NMNAT2: variants seen among roughly 807,000 people sequenced by gnomAD.
NMNAT2 encodes nicotinamide nucleotide adenylyltransferase 2.
In NMNAT2, 11 loss-of-function variants were observed where a neutral mutation model predicts 41.6. The ratio of observed to expected loss-of-function variants is 0.26; its 90% CI spans 0.17 to 0.44. NMNAT2 has a LOEUF of 0.44. NMNAT2 is among the 20% of genes least tolerant of loss of function. The probability of loss-of-function intolerance (pLI) is 1.00; values close to 1 mark genes in which losing one functional copy is unlikely to be tolerated. For missense variants in NMNAT2, 288 were observed against 407.7 expected (o/e 0.71, Z 2.53); for synonymous variants, 148 against 151.2 (o/e 0.98, Z 0.16).
chr1:183,280,005 G>A (rs538234764), intron 7 of NMNAT2, among the ~76,000 whole-genome samples: 5 of 152,302 alleles, frequency 3.3e-5, no homozygotes, highest in South Asian at 2.1e-4. Context: ...GCTGCCTTCC[G>A]GGCAATCTGG....
chr1:183,278,712 A>T, intron 7 of NMNAT2, 83 bp from the exon 8 acceptor site: 2 of 943,104 alleles, frequency 2.1e-6, no homozygotes, highest in South Asian at 2.7e-5. Flanking sequence ...CCCCTGGTGA[A>T]TACATAACTC....
At chr1:183,287,581 A>T (rs958110696) in intron 4 of NMNAT2, among the ~76,000 whole-genome samples, 13 of 152,230 alleles carry the variant, frequency 8.5e-5, no homozygotes, top group African/African-American at 2.4e-5. Flanking sequence ...ATAAGGCAGC[A>T]TTCCTCACAG....
At chr1:183,347,416 A>T (rs1007286273) in intron 1 of NMNAT2, among the ~76,000 whole-genome samples, 6 of 152,094 alleles carry the variant, frequency 3.9e-5, no homozygotes. Context: ...TGATCGTACC[A>T]CCGCACTCCA....
chr1:183,388,566 G>GTAAT (rs759234285), intron 1 of NMNAT2, among the ~76,000 whole-genome samples: 10 of 152,322 alleles, frequency 6.6e-5, no homozygotes, highest in South Asian at 4.1e-4. Context: ...GTTGCACCTT[G>GTAAT]TAATTAATCA....
rs139403011 is a variant in NMNAT2 at position 183,383,112 on chromosome 1, G to A, written c.85+35071C>T. Among the ~76,000 whole-genome samples, 524 of 152,340 alleles carry A rather than the reference G, an allele frequency of 3.4e-3. 4 individuals are homozygous for A. The highest frequency in any genetic ancestry group is 0.012 in the African/African-American group (503 of 41,590). On this transcript the variant is annotated intron_variant, in intron 1 of 10. Transcript: ENST00000287713. ...CTCAACTCTTGTCCTCTATGCACCT[G>A]TGGGCTTAACACCACGTGGAGCTGC... is the stretch of plus-strand genomic sequence containing the variant.
Position 183,316,588 on chromosome 1 carries a change from C to T in NMNAT2, c.86-22795G>A, listed in dbSNP as rs1038734937. Among the ~76,000 whole-genome samples, 7 of 152,300 alleles carry T rather than the reference C, an allele frequency of 4.6e-5. No individual in the cohort carries two copies. In the East Asian group the frequency reaches 1.2e-3, roughly 25 times the overall value. ...CTCGCCAGCCCCCCACCAGGCACCT[C>T]GGTCCCCTGAGCTGTCCAGGCACGG... On this transcript the variant is annotated intron_variant, in intron 1 of 10. Transcript: ENST00000287713.
intron 4 of NMNAT2, among the ~76,000 whole-genome samples, chr1:183,288,234 G>A (rs887208347): frequency 2.6e-5 from 4 of 152,144 alleles, no homozygotes; most frequent in African/African-American, 4.8e-5. Flanking sequence ...TCCTGCCCTC[G>A]TCAGCCCCCA....
intron 1 of NMNAT2, among the ~76,000 whole-genome samples, chr1:183,413,292 A>T (rs1649167295): frequency 6.6e-6 from 1 of 152,166 alleles, no homozygotes; most frequent in Non-Finnish European, 1.5e-5. Flanking sequence ...GCCAGAAATG[A>T]CCAAATTCAA....
At chr1:183,417,764 C>A (rs1342298572) in intron 1 of NMNAT2, among the ~76,000 whole-genome samples, 1 of 152,158 alleles carries the variant, frequency 6.6e-6, no homozygotes, top group Non-Finnish European at 1.5e-5. Context: ...AGCTTTCGGC[C>A]CATCCTAAAC....
At chr1:183,261,655 G>A (rs1166581247) in intron 8 of NMNAT2, among the ~76,000 whole-genome samples, 5 of 152,176 alleles carry the variant, frequency 3.3e-5, no homozygotes, top group African/African-American at 1.2e-4. Context: ...GTCCTTACCT[G>A]GTAAACACCC....
At chr1:183,323,289 T>C (rs1257171861) in intron 1 of NMNAT2, among the ~76,000 whole-genome samples, 1 of 152,182 alleles carries the variant, frequency 6.6e-6, no homozygotes, top group Non-Finnish European at 1.5e-5. Context: ...CCTCCCTCCC[T>C]GCAATGGTGA....
intron 1 of NMNAT2, among the ~76,000 whole-genome samples, chr1:183,331,920 A>G (rs995197000): frequency 6.6e-6 from 1 of 152,040 alleles, no homozygotes; most frequent in Non-Finnish European, 1.5e-5. Flanking sequence ...CATAGCTGGG[A>G]TTCTAGGTGC....
chr1:183,395,985 C>A (rs1338032415), intron 1 of NMNAT2, among the ~76,000 whole-genome samples: 2 of 152,194 alleles, frequency 1.3e-5, no homozygotes, highest in Non-Finnish European at 2.9e-5. Flanking sequence ...TTGCTGTTGA[C>A]CCCTTCCTTT....
intron 1 of NMNAT2, among the ~76,000 whole-genome samples, chr1:183,354,217 G>A (rs897507518): frequency 2.0e-5 from 3 of 152,072 alleles, no homozygotes; most frequent in Non-Finnish European, 4.4e-5. Flanking sequence ...CAAGTGACAA[G>A]TGGATATAGT....
intron 1 of NMNAT2, among the ~76,000 whole-genome samples, chr1:183,346,870 C>A (rs1030091601): frequency 1.3e-5 from 2 of 152,088 alleles, no homozygotes; most frequent in Non-Finnish European, 2.9e-5. Flanking sequence ...CAGCCCTACA[C>A]CCCATTTTTA....
intron 1 of NMNAT2, among the ~76,000 whole-genome samples, chr1:183,296,096 T>A (rs1319523333): frequency 1.3e-5 from 2 of 152,124 alleles, no homozygotes; most frequent in Admixed American, 6.6e-5. Context: ...GAGATCCGCC[T>A]GCCACGGCCT....
chr1:183,252,646 C>T lies in NMNAT2; in HGVS notation c.919G>A (p.Gly307Ser), dbSNP rs1229874213. ...TGCCGGAGGACGAGGGGCTGCTAGC[C>T]GGAGGCATTGATGTACAGCTGGCTT... ...LKSQLYINAS[G>S] The change falls in exon 11 of 11, where the codon GGC becomes AGC. Residue 307 changes from glycine to serine, a missense_variant. This residue lies in a region of NMNAT2 where 7 missense variants were observed against 25.4 expected (regional missense o/e 0.28). Transcript: ENST00000287713. The T allele has an allele frequency of 3.1e-6, 5 of 1,612,054 alleles. No homozygotes were observed. Among genetic ancestry groups the T allele is most frequent in the East Asian group, 2.2e-5 (1 of 44,872 alleles).
At chr1:183,261,100 A>C in intron 9 of NMNAT2, 31 bp from the exon 10 acceptor site, 1 of 1,608,050 alleles carries the variant, frequency 6.2e-7, no homozygotes, top group Non-Finnish European at 8.5e-7. Flanking sequence ...GTCAGTTGCC[A>C]GTCCCTCCCA....
intron 3 of NMNAT2, among the ~76,000 whole-genome samples, chr1:183,291,661 T>C (rs1301248191): frequency 1.3e-5 from 2 of 152,226 alleles, no homozygotes; most frequent in African/African-American, 2.4e-5. Flanking sequence ...TCCTGCCCAG[T>C]GATTTCCTCA....
Sources: gnomAD v4.1 joint callset for allele counts (sites outside exome capture counted in the v4.1 genomes callset) on GRCh38, gnomAD v4.1.1 for gene constraint, gnomAD v4.1.1 regional missense constraint, MANE v1.5 for transcripts, NCBI Gene and HGNC (gene_info 2026-07-23, HGNC 2026-07-21) for gene names.